The following EPHA6 variants were observed in gnomAD, a reference collection of about 807,000 sequenced individuals.
EPHA6 encodes ephrin type-A receptor 6.
Under a neutral mutation model 112.0 loss-of-function variants are expected in EPHA6, and 50 were observed. The observed-to-expected ratio is 0.45, with a 90% CI of 0.36 to 0.56. The LOEUF (loss-of-function observed/expected upper bound fraction) is 0.56. Among genes scored for constraint, EPHA6 ranks in the 20% least tolerant of loss-of-function variants. The pLI is 0.00. For missense variants in EPHA6, 1,280 were observed against 1,417.4 expected (o/e 0.90, Z 1.56); for synonymous variants, 529 against 490.7 (o/e 1.08, Z -1.03).
chr3:97,154,759 G>T (rs1166041878), intron 3 of EPHA6, among the ~76,000 whole-genome samples: 1 of 151,970 alleles, frequency 6.6e-6, no homozygotes, highest in Non-Finnish European at 1.5e-5. Context: ...TTTTGAAAAG[G>T]CTGGTTACAC....
At chr3:96,891,342 C>T (rs1261524264) in intron 2 of EPHA6, among the ~76,000 whole-genome samples, 2 of 152,136 alleles carry the variant, frequency 1.3e-5, no homozygotes, top group African/African-American at 2.4e-5. Flanking sequence ...CCAAAGAGCA[C>T]ATACAGTGTG....
chr3:97,600,476 AG>A (rs1404790198), intron 12 of EPHA6, among the ~76,000 whole-genome samples: 2 of 151,856 alleles, frequency 1.3e-5, no homozygotes, highest in Non-Finnish European at 2.9e-5. Context: ...TTTAGCATGA[AG>A]GGTTGTTGAA....
chr3:97,278,783 C>T (rs1487102752), intron 5 of EPHA6, among the ~76,000 whole-genome samples: 3 of 152,126 alleles, frequency 2.0e-5, no homozygotes, highest in African/African-American at 7.2e-5. Flanking sequence ...TCTCTAGGCA[C>T]CTGATTTAGG....
intron 2 of EPHA6, among the ~76,000 whole-genome samples, chr3:96,966,554 TTTG>T (rs947955810): frequency 4.6e-5 from 7 of 152,164 alleles, no homozygotes; most frequent in Non-Finnish European, 8.8e-5. Context: ...AAGCAATGTT[TTTG>T]TTGTTACTGT....
intron 5 of EPHA6, among the ~76,000 whole-genome samples, chr3:97,385,937 G>T (rs1427315756): frequency 2.6e-5 from 4 of 152,058 alleles, no homozygotes; most frequent in Non-Finnish European, 5.9e-5. Flanking sequence ...CTCCTACCAG[G>T]CCCCTTCACC....
rs773652804 is a variant in EPHA6, at chr3:97,353,883, G to T, written c.1607-51267G>T. 3.3e-5 allele frequency among the ~76,000 whole-genome samples: 5 copies of T among 152,234 alleles called. No individual in the cohort carries two copies. The East Asian group carries it at 9.7e-4, about 30-fold the overall frequency. ...TAGTCCCAGTGGTGGTGGCCACAGG[G>T]GTGCTTATGTTACCCCTCCCCCAGA... On this transcript the variant is annotated intron_variant, in intron 5 of 17. Coordinates refer to ENST00000389672, the MANE Select transcript of EPHA6 (RefSeq NM_001080448.3).
At chr3:97,054,259 A>G (rs2045780887) in intron 3 of EPHA6, among the ~76,000 whole-genome samples, 2 of 152,064 alleles carry the variant, frequency 1.3e-5, no homozygotes, top group African/African-American at 2.4e-5. Flanking sequence ...TACAAATTTA[A>G]TATTTCTTTC....
At position 97,542,254 on chromosome 3, in the gene EPHA6, C is replaced by T. The variant is rs201142101; in HGVS notation, c.2386+9711C>T. Among the ~76,000 whole-genome samples the T allele has an allele frequency of 1.1e-4, 17 of 152,242 alleles. No homozygotes were observed. In the East Asian group the frequency reaches 3.1e-3, roughly 28 times the overall value. ...CTATCCCTCCCCTCTCCCCGCACCCCACTACAGTACCCAGTGTGTGTGATG... is the reference window on the plus strand; with the variant it reads ...CTATCCCTCCCCTCTCCCCGCACCCTACTACAGTACCCAGTGTGTGTGATG... On this transcript the variant is annotated intron_variant, in intron 11 of 17. Transcript: ENST00000389672.
At chr3:97,668,162 G>A (rs1048134608) in intron 14 of EPHA6, among the ~76,000 whole-genome samples, 3 of 152,146 alleles carry the variant, frequency 2.0e-5, no homozygotes, top group Non-Finnish European at 4.4e-5. Context: ...GTTACCAACT[G>A]CCCTCATAAT....
At chr3:97,654,540 C>T (rs1187169670) in intron 14 of EPHA6, among the ~76,000 whole-genome samples, 1 of 150,482 alleles carries the variant, frequency 6.6e-6, no homozygotes, top group Admixed American at 6.6e-5. Context: ...TGAGTAGCTA[C>T]CTTGAAAGAC....
chr3:97,726,342 A>G (rs1211567581), intron 15 of EPHA6, among the ~76,000 whole-genome samples: 1 of 152,158 alleles, frequency 6.6e-6, no homozygotes, highest in African/African-American at 2.4e-5. Flanking sequence ...AGATCAAAGC[A>G]CATTTAATTA....
intron 13 of EPHA6, among the ~76,000 whole-genome samples, chr3:97,616,387 A>G (rs1224699447): frequency 3.3e-5 from 5 of 152,214 alleles, no homozygotes; most frequent in Non-Finnish European, 7.3e-5. Flanking sequence ...CCAAATGACC[A>G]CATTACCTCT....
intron 2 of EPHA6, among the ~76,000 whole-genome samples, chr3:96,967,991 A>G (rs747724368): frequency 3.8e-4 from 57 of 151,792 alleles, no homozygotes; most frequent in Admixed American, 5.3e-4. Context: ...GTCTTCTGTT[A>G]TGAGCTATTG....
At position 97,548,394 on chromosome 3, in the gene EPHA6, A is replaced by T. The variant is rs375899960; in HGVS notation, c.2386+15851A>T. On this transcript the variant is annotated intron_variant, in intron 11 of 17. Transcript: ENST00000389672. ...AGAGTATCTTCTAGATTACTACACT[A>T]TAAAGTTATTTTTCCCTTTTTGTAA... 7.9e-5 allele frequency among the ~76,000 whole-genome samples: 12 copies of T among 152,350 alleles called. No individual in the cohort carries two copies. The East Asian group carries it at 1.5e-3, about 20-fold the overall frequency.
chr3:97,683,978 ATG>A (rs371105000), intron 14 of EPHA6, among the ~76,000 whole-genome samples: 42 of 152,270 alleles, frequency 2.8e-4, no homozygotes, highest in Non-Finnish European at 5.3e-4. Flanking sequence ...ATATGGCTGT[ATG>A]GAATAGGGTG....
In EPHA6 at chr3:96,927,458, T is replaced by A. The variant is rs551407739; in HGVS notation, c.451-59872T>A. Among the ~76,000 whole-genome samples the A allele has an allele frequency of 8.2e-4, 125 of 152,332 alleles. 1 individual carries two copies. The highest frequency in any genetic ancestry group is 2.8e-3 in the African/African-American group (116 of 41,584). On this transcript the variant is annotated intron_variant, in intron 2 of 17. Transcript: ENST00000389672. ...TCTATCACATTGTCAGGCTGCAAATTTTCTAAATGTTTTTACTCTTTTCTT... is the reference window on the plus strand; with the variant it reads ...TCTATCACATTGTCAGGCTGCAAATATTCTAAATGTTTTTACTCTTTTCTT...
intron 2 of EPHA6, among the ~76,000 whole-genome samples, chr3:96,924,495 G>A (rs1298006598): frequency 2.6e-5 from 4 of 152,108 alleles, no homozygotes; most frequent in Admixed American, 2.6e-4. Context: ...TATTGATTTT[G>A]GATCCTGAGA....
intron 5 of EPHA6, among the ~76,000 whole-genome samples, chr3:97,274,297 A>G (rs1164817973): frequency 6.6e-6 from 1 of 152,212 alleles, no homozygotes; most frequent in Non-Finnish European, 1.5e-5. Context: ...CATGAGGGAC[A>G]GAAGTTGGAA....
intron 2 of EPHA6, among the ~76,000 whole-genome samples, chr3:96,883,059 TC>T (rs1479796770): frequency 6.6e-6 from 1 of 152,202 alleles, no homozygotes; most frequent in Non-Finnish European, 1.5e-5. Flanking sequence ...GTAGAAGTGT[TC>T]CCTGTTCACT....
Sources: allele counts gnomAD v4.1 joint callset (sites outside exome capture counted in the v4.1 genomes callset), GRCh38; gene constraint gnomAD v4.1.1; transcripts MANE v1.5; gene names NCBI Gene and HGNC (gene_info 2026-07-23, HGNC 2026-07-21).